Variants in CPAMD8 observed in about 807,000 individuals in gnomAD.
The protein encoded by CPAMD8 is C3 and PZP-like alpha-2-macroglobulin domain-containing protein 8.
CPAMD8 carries 146 observed loss-of-function variants against 224.7 expected under a neutral mutation model. That is an observed-to-expected ratio of 0.65 (90% CI 0.57 to 0.75). The LOEUF (loss-of-function observed/expected upper bound fraction) is 0.75. CPAMD8 is among the 30% of genes least tolerant of loss of function. The pLI, the probability that CPAMD8 is intolerant of heterozygous loss-of-function variation, is 0.00. For synonymous variants in CPAMD8, 966 were observed against 1,044.6 expected, an observed-to-expected ratio of 0.92 and a Z score of 1.45; for missense variants, 2,301 against 2,537.5, an observed-to-expected ratio of 0.91 and a Z score of 2.00.
At chr19:16,989,041 G>A (rs1376400946) in intron 13 of CPAMD8, among the ~76,000 whole-genome samples, 4 of 152,082 alleles carry the variant, frequency 2.6e-5, no homozygotes, top group Non-Finnish European at 4.4e-5. Flanking sequence ...ACCCCCAGAC[G>A]GGACTGTCTA....
At chr19:16,903,422 G>C (rs911300919) in intron 34 of CPAMD8, 139 bp downstream of exon 34, 7 of 1,274,854 alleles carry the variant, frequency 5.5e-6, no homozygotes, top group Non-Finnish European at 7.6e-6. Context: ...GTATTAGAAG[G>C]CTGAAAACCT....
At chr19:16,893,597 G>T (rs2051844299) in intron 41 of CPAMD8, 2 of 403,462 alleles carry the variant, frequency 5.0e-6, no homozygotes, top group Non-Finnish European at 8.9e-6. Flanking sequence ...GGTGCCAGGG[G>T]TCACAAAGGG....
intron 11 of CPAMD8, among the ~76,000 whole-genome samples, chr19:16,993,822 C>CAGCT (rs1278865776): frequency 6.6e-6 from 1 of 152,128 alleles, no homozygotes; most frequent in African/African-American, 2.4e-5. Context: ...CCTGTGGTCC[C>CAGCT]AGCTACTCAA....
At chr19:16,903,939 C>T in intron 32 of CPAMD8, 82 bp from the exon 33 acceptor site, 1 of 1,398,846 alleles carries the variant, frequency 7.1e-7, no homozygotes. Flanking sequence ...GGAAGCCTAG[C>T]CTAAAACAGG....
intron 30 of CPAMD8, among the ~76,000 whole-genome samples, chr19:16,906,366 CTTTCTTTCTTTCTTTCTTTCTTTCT>C (rs1568459278): frequency 2.2e-4 from 15 of 68,970 alleles, no homozygotes; most frequent in Non-Finnish European, 3.8e-4. Flanking sequence ...TTCTTTCTTT[CTTTCTTTCTTTCTTTCTTTCTTTCT>C]TTCTTTCTTT....
chr19:16,906,260 CTCCT>C (rs750025126), intron 30 of CPAMD8, among the ~76,000 whole-genome samples: 45 of 152,046 alleles, frequency 3.0e-4, no homozygotes, highest in African/African-American at 8.2e-4. Context: ...GTTTCCCTTT[CTCCT>C]TCCTTCCTTC....
intron 25 of CPAMD8, among the ~76,000 whole-genome samples, chr19:16,926,317 T>TATTTTATTTTATTTTATTTTATTTG (rs2053358303): frequency 6.6e-6 from 1 of 151,850 alleles, no homozygotes; most frequent in African/African-American, 2.4e-5. Flanking sequence ...TATTTTATTT[T>TATTTTATTTTATTTTATTTTATTTG]ATTTTATTTT....
intron 1 of CPAMD8, 90 bp from the exon 2 acceptor site, chr19:17,022,271 G>C (rs2056980560): frequency 6.9e-7 from 1 of 1,443,452 alleles, no homozygotes; most frequent in African/African-American, 1.4e-5. Context: ...CCTCGCAGCA[G>C]ACTCCTGCCT....
chr19:16,992,396 C>T (rs564728604), intron 12 of CPAMD8, among the ~76,000 whole-genome samples: 13 of 151,780 alleles, frequency 8.6e-5, no homozygotes, highest in African/African-American at 3.1e-4. Flanking sequence ...TTGAGACCAG[C>T]CTGGGCAACA....
intron 1 of CPAMD8, among the ~76,000 whole-genome samples, chr19:17,023,090 C>T (rs1315084477): frequency 6.6e-6 from 1 of 152,096 alleles, no homozygotes; most frequent in Non-Finnish European, 1.5e-5. Context: ...AGAACAAACC[C>T]TGAAAACAAA....
chr19:16,961,576 CT>C (rs2054658592), intron 18 of CPAMD8, among the ~76,000 whole-genome samples: 1 of 152,266 alleles, frequency 6.6e-6, no homozygotes, highest in Admixed American at 6.5e-5. Context: ...GACTCCACCT[CT>C]GTGAGCAGGG....
chr19:16,913,681 C>T (rs1489450913), intron 29 of CPAMD8, among the ~76,000 whole-genome samples: 2 of 152,138 alleles, frequency 1.3e-5, no homozygotes, highest in Non-Finnish European at 2.9e-5. Context: ...AGAACCAATT[C>T]AGCCCATAAC....
At position 16,903,845 on chromosome 19, in the gene CPAMD8, C is replaced by T. The variant is rs770377550; in HGVS notation, c.4264G>A (p.Ala1422Thr). 1 of 1,613,580 alleles carries T rather than the reference C, an allele frequency of 6.2e-7. No individual in the cohort carries two copies. The highest frequency in any genetic ancestry group is 2.2e-5 in the East Asian group (1 of 44,878). ...GCATATTCAGCCAAGGCCTGCAGAG[C>T]CACGCAGGTGTCCTGGGGATGGAGG... ...GFSSTQDTCV[A>T]LQALAEYAIL... Residue 1422 changes from alanine (A) to threonine (T), a missense_variant, in exon 33 of 42, where the codon GCT becomes ACT. Around this residue, in one of 4 missense-constraint regions of CPAMD8, gnomAD observed 1,709 missense variants for 1,753.2 expected, o/e 0.97. Transcript: ENST00000443236.
At position 17,026,772 on chromosome 19, in the gene CPAMD8, G is replaced by T; in HGVS notation, c.-130C>A. On this transcript the variant is annotated 5_prime_UTR_variant, in exon 1 of 42. Coordinates refer to ENST00000443236, the MANE Select transcript of CPAMD8 (RefSeq NM_015692.5). ...TTTGTTCGCAGCCCCCGCGCAGTGCGCCCGGCGCCATGCGCCCCGCTCCGC... is the reference window on the plus strand; with the variant it reads ...TTTGTTCGCAGCCCCCGCGCAGTGCTCCCGGCGCCATGCGCCCCGCTCCGC... 1.7e-6 allele frequency: 2 copies of T among 1,158,128 alleles called. No homozygotes were observed. Among genetic ancestry groups the T allele is most frequent in the Non-Finnish European group, 2.1e-6 (2 of 941,578 alleles). 71.7% of individuals were successfully genotyped at this position (1,158,128 alleles called of 1,614,324 possible).
chr19:16,916,652 T>C (rs927683160), intron 27 of CPAMD8, among the ~76,000 whole-genome samples: 5 of 151,888 alleles, frequency 3.3e-5, no homozygotes, highest in African/African-American at 4.8e-5. Flanking sequence ...GGCAAGAGAA[T>C]TGCTTGACCT....
intron 23 of CPAMD8, among the ~76,000 whole-genome samples, chr19:16,932,883 C>T (rs2053585612): frequency 6.6e-6 from 1 of 152,216 alleles, no homozygotes. Flanking sequence ...AGGTCTTCTC[C>T]ACAGCACATT....
At chr19:16,897,394 A>C in intron 39 of CPAMD8, 1 of 373,142 alleles carries the variant, frequency 2.7e-6, no homozygotes, top group South Asian at 3.4e-5. Flanking sequence ...CCCAGTCCCC[A>C]CCACAGTGAC....
intron 3 of CPAMD8, among the ~76,000 whole-genome samples, chr19:17,012,048 C>T (rs973273292): frequency 6.6e-6 from 1 of 152,020 alleles, no homozygotes; most frequent in Non-Finnish European, 1.5e-5. Flanking sequence ...GGAGACAAGG[C>T]TTACTCTGTC....
In CPAMD8 at chr19:16,942,915, C is replaced by T. The variant is rs186189801; in HGVS notation, c.2793+2634G>A. On this transcript the variant is annotated intron_variant, in intron 22 of 41. Coordinates refer to ENST00000443236, the MANE Select transcript of CPAMD8 (RefSeq NM_015692.5). Reference sequence around the variant, plus strand: ...GTACAGATCTGTGCTTCACTCCTTTCGGCCTCTCTGGATTTGCCTGTTCTG... The same window carrying T: ...GTACAGATCTGTGCTTCACTCCTTTTGGCCTCTCTGGATTTGCCTGTTCTG... 2.4e-3 allele frequency among the ~76,000 whole-genome samples: 369 copies of T among 152,252 alleles called. 3 individuals carry two copies. Among genetic ancestry groups the T allele is most frequent in the African/African-American group, 8.5e-3 (353 of 41,540 alleles).
Sources: gnomAD v4.1 joint callset for allele counts (sites outside exome capture counted in the v4.1 genomes callset) on GRCh38, gnomAD v4.1.1 for gene constraint, gnomAD v4.1.1 regional missense constraint, MANE v1.5 for transcripts, NCBI Gene and HGNC (gene_info 2026-07-23, HGNC 2026-07-21) for gene names.